The following SHC3 variants were observed in gnomAD, a reference collection of about 807,000 sequenced individuals.
SHC3 encodes SHC adaptor protein 3.
Under a neutral mutation model 60.4 loss-of-function variants are expected in SHC3, and 15 were observed. The observed-to-expected ratio is 0.25, with a 90% CI of 0.17 to 0.38. The LOEUF (loss-of-function observed/expected upper bound fraction) is 0.38. Among genes scored for constraint, SHC3 ranks in the 10% least tolerant of loss-of-function variants. The pLI is 1.00. For missense variants in SHC3, 677 were observed against 786.1 expected (o/e 0.86, Z 1.66); for synonymous variants, 294 against 325.9 (o/e 0.90, Z 1.05).
intron 11 of SHC3, among the ~76,000 whole-genome samples, chr9:89,026,589 G>A (rs1016930514): frequency 4.6e-5 from 7 of 152,340 alleles, no homozygotes; most frequent in African/African-American, 7.2e-5. Flanking sequence ...CTGGGCACAT[G>A]TTCTCAGGAT....
At chr9:89,018,695 CTTTCTT>C (rs1257088270) in intron 11 of SHC3, among the ~76,000 whole-genome samples, 2 of 135,328 alleles carry the variant, frequency 1.5e-5, no homozygotes, top group African/African-American at 5.5e-5. Flanking sequence ...TTCTTTCTTT[CTTTCTT>C]TTTTTTTTTT....
intron 1 of SHC3, among the ~76,000 whole-genome samples, chr9:89,172,589 A>G (rs1030415733): frequency 1.3e-5 from 2 of 151,702 alleles, no homozygotes; most frequent in African/African-American, 4.8e-5. Flanking sequence ...ACACACACAC[A>G]CAGACACACA....
chr9:89,092,377 G>C (rs1010263853), intron 2 of SHC3, among the ~76,000 whole-genome samples: 2 of 152,138 alleles, frequency 1.3e-5, no homozygotes, highest in African/African-American at 4.8e-5. Context: ...CAGCACTTTG[G>C]GAGGCCGAGG....
rs1037046629 is a variant in SHC3, at chr9:89,047,068, G to A, written c.963-74C>T. On this transcript the variant is annotated intron_variant, in intron 7 of 11. Transcript: ENST00000375835. ...GCCAAAATCAACAAATCTAATGTTA[G>A]CGCCTGTTATTAAGAAAAGAGAGTT... 15 of 1,433,356 alleles carry A rather than the reference G, an allele frequency of 1.0e-5. No individual in the cohort carries two copies. In the African/African-American group the frequency reaches 1.9e-4, roughly 18 times the overall value. 88.8% of individuals were successfully genotyped at this position (1,433,356 alleles called of 1,614,324 possible).
In SHC3 at chr9:89,024,003, C is replaced by A. The variant is rs563508650; in HGVS notation, c.1657-10428G>T. 3.4e-3 allele frequency among the ~76,000 whole-genome samples: 525 copies of A among 152,292 alleles called. 6 individuals carry two copies. The highest frequency in any genetic ancestry group is 0.012 in the African/African-American group (510 of 41,566). ...GGGAGCTGAGGATCTCGTTTCTAAG[C>A]AAGCTCTCTGATGCTGAAGCTGCTA... On this transcript the variant is annotated intron_variant, in intron 11 of 11. Transcript: ENST00000375835.
chr9:89,025,002 C>G (rs1253665804), intron 11 of SHC3, among the ~76,000 whole-genome samples: 4 of 152,174 alleles, frequency 2.6e-5, no homozygotes, highest in Non-Finnish European at 5.9e-5. Context: ...CTTCAATTGC[C>G]TGGGAAACGT....
At chr9:89,177,735 G>A (rs1826962328) in intron 1 of SHC3, among the ~76,000 whole-genome samples, 1 of 152,260 alleles carries the variant, frequency 6.6e-6, no homozygotes, top group Non-Finnish European at 1.5e-5. Context: ...AAAAAGTGGA[G>A]CCTAGGGAAA....
intron 1 of SHC3, among the ~76,000 whole-genome samples, chr9:89,127,656 G>A (rs930591101): frequency 1.3e-5 from 2 of 152,032 alleles, no homozygotes; most frequent in Non-Finnish European, 2.9e-5. Context: ...ATAATAATTA[G>A]GTAGGAAGTA....
intron 9 of SHC3, among the ~76,000 whole-genome samples, chr9:89,042,881 ACT>A (rs568170825): frequency 9.0e-4 from 136 of 151,088 alleles, no homozygotes; most frequent in Middle Eastern, 3.4e-3. Context: ...CCTTGACAGG[ACT>A]TCACAGCTAG....
chr9:89,050,950 G>T (rs1824852452), intron 7 of SHC3, among the ~76,000 whole-genome samples: 1 of 150,946 alleles, frequency 6.6e-6, no homozygotes. Context: ...TTGAATTCTA[G>T]CATTTTCAGC....
chr9:89,092,589 C>T lies in SHC3; in HGVS notation c.546-14686G>A, dbSNP rs562550787. On this transcript the variant is annotated intron_variant, in intron 2 of 11. Transcript: ENST00000375835. ...CCAAATTGCACCACTGCACTCCAGC[C>T]TGGGCAACAGGGCAAGACTCTGTCT... 1.3e-3 allele frequency among the ~76,000 whole-genome samples: 176 copies of T among 140,764 alleles called. 1 individual carries two copies. The highest frequency in any genetic ancestry group is 4.2e-3 in the African/African-American group (159 of 37,570). The allele number at this position is 140,764 out of a possible 152,430, so 92.3% of individuals were successfully genotyped here. A position where few individuals can be genotyped will look rare whatever the true frequency, so the allele number is the denominator to read the frequency against.
chr9:89,099,295 C>T (rs1825749692), intron 2 of SHC3, among the ~76,000 whole-genome samples: 1 of 152,112 alleles, frequency 6.6e-6, no homozygotes. Flanking sequence ...TTCTATATCA[C>T]TCTTTTGTAC....
At chr9:89,147,270 A>G (rs1257050815) in intron 1 of SHC3, among the ~76,000 whole-genome samples, 1 of 152,130 alleles carries the variant, frequency 6.6e-6, no homozygotes, top group Non-Finnish European at 1.5e-5. Flanking sequence ...TGGGTAGGGC[A>G]CCAGTGAACA....
chr9:89,047,972 G>A (rs961786235), intron 7 of SHC3, among the ~76,000 whole-genome samples: 2 of 152,118 alleles, frequency 1.3e-5, no homozygotes, highest in African/African-American at 2.4e-5. Flanking sequence ...AGGGCCGGGC[G>A]CAGTGGCTGA....
chr9:89,079,498 A>G (rs1825412936), intron 2 of SHC3, among the ~76,000 whole-genome samples: 1 of 152,178 alleles, frequency 6.6e-6, no homozygotes, highest in African/African-American at 2.4e-5. Flanking sequence ...TATTCCTGAT[A>G]AGCACCGTAT....
chr9:89,103,869 C>T (rs1756215685), intron 2 of SHC3, among the ~76,000 whole-genome samples: 1 of 152,108 alleles, frequency 6.6e-6, no homozygotes, highest in Non-Finnish European at 1.5e-5. Context: ...GATAGTCAGA[C>T]TCTAAACCTA....
intron 2 of SHC3, among the ~76,000 whole-genome samples, chr9:89,095,201 A>G (rs1455888324): frequency 1.3e-5 from 2 of 152,254 alleles, no homozygotes; most frequent in Non-Finnish European, 2.9e-5. Flanking sequence ...ACTGGTTAAA[A>G]GGTAGAAACA....
intron 2 of SHC3, among the ~76,000 whole-genome samples, chr9:89,100,132 G>C (rs1407529649): frequency 6.6e-6 from 1 of 152,042 alleles, no homozygotes; most frequent in Non-Finnish European, 1.5e-5. Context: ...TACCATCAAG[G>C]GTCTTAAAGT....
intron 11 of SHC3, among the ~76,000 whole-genome samples, chr9:89,036,055 A>T (rs2117865212): frequency 6.6e-6 from 1 of 152,198 alleles, no homozygotes; most frequent in African/African-American, 2.4e-5. Flanking sequence ...ACCATCAAGC[A>T]CAAAGGGGGA....
Sources: gnomAD v4.1 joint callset for allele counts (sites outside exome capture counted in the v4.1 genomes callset) on GRCh38, gnomAD v4.1.1 for gene constraint, MANE v1.5 for transcripts, NCBI Gene and HGNC (gene_info 2026-07-23, HGNC 2026-07-21) for gene names.